Variants in ARHGEF28 observed in about 807,000 individuals in gnomAD.
ARHGEF28 encodes Rho guanine nucleotide exchange factor 28, also known as 190 kDa guanine nucleotide exchange factor.
In ARHGEF28, 152 loss-of-function variants were observed where a neutral mutation model predicts 206.6. The ratio of observed to expected loss-of-function variants is 0.74; its 90% CI spans 0.64 to 0.84. The LOEUF (loss-of-function observed/expected upper bound fraction) is 0.84, where lower values mean the gene tolerates loss of function less well. ARHGEF28 is among the 40% of genes least tolerant of loss of function. ARHGEF28 has a pLI of 0.00. For missense variants in ARHGEF28, 2,028 were observed against 2,073.2 expected (o/e 0.98, Z 0.42); for synonymous variants, 763 against 776.4 (o/e 0.98, Z 0.29).
chr5:73,673,079 A>C (rs917119534), intron 1 of ARHGEF28, among the ~76,000 whole-genome samples: 1 of 152,216 alleles, frequency 6.6e-6, no homozygotes, highest in African/African-American at 2.4e-5. Context: ...GACCTGCATA[A>C]CTCAGGTAGA....
In ARHGEF28 at chr5:73,840,608, T is replaced by A. The variant is rs774647938; in HGVS notation, c.1275T>A (p.Ser425Arg). ...CCCTTCCTACAGAAACCAGTCCCAGTGTGTACCCACTTAGTGAAAATGTCG... is the reference window on the plus strand; with the variant it reads ...CCCTTCCTACAGAAACCAGTCCCAGAGTGTACCCACTTAGTGAAAATGTCG... ...KHTLPTETSPSVYPLSENVEG... is the reference protein window; with the variant it reads ...KHTLPTETSPRVYPLSENVEG... Residue 425 changes from serine to arginine, a missense_variant, in exon 11 of 36, where the codon AGT becomes AGA. Around this residue, in one of 3 missense-constraint regions of ARHGEF28, gnomAD observed 1,002 missense variants for 1,015.3 expected, o/e 0.99. Transcript: ENST00000513042. 6.2e-7 allele frequency: 1 copy of A among 1,613,992 alleles called. No homozygotes were observed. The highest frequency in any genetic ancestry group is 1.1e-5 in the South Asian group (1 of 91,082).
At chr5:73,902,688 T>C (rs1342481413) in intron 31 of ARHGEF28, 2 of 152,192 alleles carry the variant, frequency 1.3e-5, no homozygotes, top group Non-Finnish European at 2.9e-5. Context: ...GAAATCTGAC[T>C]CAAATGCAGA....
chr5:73,816,659 A>T (rs979325325), intron 9 of ARHGEF28, among the ~76,000 whole-genome samples: 1 of 152,372 alleles, frequency 6.6e-6, no homozygotes, highest in Non-Finnish European at 1.5e-5. Context: ...ACCATATTTC[A>T]ATTCAAAAGT....
chr5:73,680,589 C>T (rs1747020107), intron 1 of ARHGEF28, among the ~76,000 whole-genome samples: 1 of 151,418 alleles, frequency 6.6e-6, no homozygotes, highest in South Asian at 2.1e-4. Context: ...ATAGGTGTAC[C>T]CAAATCTCAG....
At chr5:73,866,358 A>G (rs534228720) in intron 18 of ARHGEF28, among the ~76,000 whole-genome samples, 1 of 152,360 alleles carries the variant, frequency 6.6e-6, no homozygotes, top group African/African-American at 2.4e-5. Flanking sequence ...TACTACATGA[A>G]ATGTACCTTA....
intron 31 of ARHGEF28, chr5:73,902,673 A>G (rs556416763): frequency 6.6e-6 from 1 of 152,380 alleles, no homozygotes; most frequent in Admixed American, 6.5e-5. Flanking sequence ...AGAATATTAA[A>G]AAATGAAATC....
chr5:73,838,070 G>A (rs756234723), intron 10 of ARHGEF28, among the ~76,000 whole-genome samples: 4 of 152,008 alleles, frequency 2.6e-5, no homozygotes, highest in Admixed American at 6.6e-5. Flanking sequence ...AATATTCTGG[G>A]TGAAAGAAGT....
In ARHGEF28 at chr5:73,911,554, A is replaced by C; in HGVS notation, c.4927A>C (p.Ser1643Arg). Reference sequence around the variant, plus strand: ...TCAGATACTTCCTTTCCATGAAAGCAGCAAGGATTCTTGTAAAAATGGTAA... The same window carrying C: ...TCAGATACTTCCTTTCCATGAAAGCCGCAAGGATTCTTGTAAAAATGGTAA... The part of the protein sequence containing the change: ...GHQILPFHES[S>R]KDSCKNDLDT... The change falls in exon 35 of 36, where the codon AGC becomes CGC. Residue 1643 changes from serine to arginine, a missense_variant. Physicochemically the swap from Ser to Arg is moderately radical, Grantham distance 110. Transcript: ENST00000513042. 1 of 1,606,432 alleles carries C rather than the reference A, an allele frequency of 6.2e-7. No homozygotes were observed. Among genetic ancestry groups the C allele is most frequent in the Non-Finnish European group, 8.5e-7 (1 of 1,175,594 alleles).
intron 4 of ARHGEF28, among the ~76,000 whole-genome samples, chr5:73,766,084 G>A (rs1019820634): frequency 6.6e-6 from 1 of 151,796 alleles, no homozygotes; most frequent in South Asian, 2.1e-4. Context: ...CCTGGGAGGT[G>A]GAGCTTGCAG....
intron 2 of ARHGEF28, among the ~76,000 whole-genome samples, chr5:73,731,608 T>C (rs1246377863): frequency 2.0e-5 from 3 of 152,190 alleles, no homozygotes; most frequent in Non-Finnish European, 4.4e-5. Context: ...AGGGTGGTCA[T>C]GGAATGAGAA....
chr5:73,786,887 G>A lies in ARHGEF28; in HGVS notation c.910+6142G>A, dbSNP rs190037034. On this transcript the variant is annotated intron_variant, in intron 7 of 35. Transcript: ENST00000513042. ...ATACCAGGACCCAGCCATTCGTGTCGTGGTGACTAGAAGTGAGCAGATTTT... is the reference window on the plus strand; with the variant it reads ...ATACCAGGACCCAGCCATTCGTGTCATGGTGACTAGAAGTGAGCAGATTTT... 2.0e-5 allele frequency among the ~76,000 whole-genome samples: 3 copies of A among 152,302 alleles called. No homozygotes were observed. In the East Asian group the frequency reaches 5.8e-4, roughly 29 times the overall value.
rs1762785053 is a variant in ARHGEF28, at chr5:73,909,863, G to A, written c.4613G>A (p.Ser1538Asn). The A allele has an allele frequency of 6.5e-7, 1 of 1,531,814 alleles. No individual in the cohort carries two copies. The highest frequency in any genetic ancestry group is 1.4e-5 in the African/African-American group (1 of 72,424). The allele number at this position is 1,531,814 out of a possible 1,614,324, so 94.9% of individuals were successfully genotyped here. Residue 1538 changes from serine to asparagine, a missense_variant, in exon 34 of 36, where the codon AGC (serine) becomes AAC (asparagine). By Grantham distance (46) the Ser-to-Asn change is conservative. Transcript: ENST00000513042. ...CACTGGAAGCACGGCCGGCAGAGGA[G>A]CCTGCCCGCGGTGCTCCTTCCGGGT... ...LGHWKHGRQR[S>N]LPAVLLPGGP...
chr5:73,749,276 G>A (rs143563515), intron 2 of ARHGEF28, among the ~76,000 whole-genome samples: 45 of 152,336 alleles, frequency 3.0e-4, no homozygotes, highest in Non-Finnish European at 5.1e-4. Context: ...TGAGGCCAGA[G>A]CTAAGAATAA....
chr5:73,904,682 A>C, intron 33 of ARHGEF28: 5 of 437,706 alleles, frequency 1.1e-5, no homozygotes. Flanking sequence ...TTTACAATGA[A>C]ACTCTTAGGT....
At chr5:73,921,132 G>T (rs1215379367) in intron 35 of ARHGEF28, among the ~76,000 whole-genome samples, 2 of 152,198 alleles carry the variant, frequency 1.3e-5, no homozygotes, top group Non-Finnish European at 2.9e-5. Flanking sequence ...TATGCTCCTA[G>T]AATGTGAACC....
Position 73,776,637 on chromosome 5 carries a change from T to C in ARHGEF28, c.781T>C (p.Leu261=), listed in dbSNP as rs1266339980. Residue 261 remains leucine (L), a synonymous_variant, in exon 6 of 36, where the codon TTG becomes CTG. Transcript: ENST00000513042. ...LTLNHTAEHL[L]EADIKLFRKY... is the part of the protein sequence containing the mutation. ...CCTGAACCACACAGCCGAGCATTTG[T>C]TGGAGGCAGATATTAAACTCTTCCG... The C allele has an allele frequency of 1.9e-6, 3 of 1,613,806 alleles. No homozygotes were observed. The highest frequency in any genetic ancestry group is 2.5e-6 in the Non-Finnish European group (3 of 1,179,850).
At chr5:73,832,585 G>A in intron 10 of ARHGEF28, 126 bp downstream of exon 10, 1 of 1,293,616 alleles carries the variant, frequency 7.7e-7, no homozygotes, top group Non-Finnish European at 1.1e-6. Context: ...AGAGGATGCT[G>A]TTGTGGGGTC....
At position 73,735,776 on chromosome 5, in the gene ARHGEF28, C is replaced by A. The variant is rs1750888947; in HGVS notation, c.34-14061C>A. ...CCTCTGCCTTCATGTCCAGCTTCTC[C>A]TCCTATCCTACTTTCTACTTCAGGA... On this transcript the variant is annotated intron_variant, in intron 2 of 35. Coordinates refer to ENST00000513042, the MANE Select transcript of ARHGEF28 (RefSeq NM_001177693.2). Among the ~76,000 whole-genome samples the A allele has an allele frequency of 3.3e-5, 5 of 152,214 alleles. No homozygotes were observed. In the South Asian group the frequency reaches 1.0e-3, roughly 32 times the overall value.
chr5:73,665,809 G>A (rs901332578), intron 1 of ARHGEF28, among the ~76,000 whole-genome samples: 3 of 152,248 alleles, frequency 2.0e-5, no homozygotes, highest in Admixed American at 2.0e-4. Flanking sequence ...TGGGGATTAA[G>A]TTTCCAACAG....
Sources: gnomAD v4.1 joint callset for allele counts (sites outside exome capture counted in the v4.1 genomes callset) on GRCh38, gnomAD v4.1.1 for gene constraint, gnomAD v4.1.1 regional missense constraint, MANE v1.5 for transcripts, NCBI Gene and HGNC (gene_info 2026-07-23, HGNC 2026-07-21) for gene names.